Variants in BLTP3B observed in about 807,000 individuals in gnomAD.
BLTP3B encodes the protein UHRF1 (ICBP90) binding protein 1-like.
the BLTP3B span, among the ~76,000 whole-genome samples, chr12:100,100,671 C>T: frequency 6.6e-6 from 1 of 151,740 alleles, no homozygotes; most frequent in Admixed American, 6.6e-5. Flanking sequence ...AAGATCATGC[C>T]ACTGCATTCC....
chr12:100,141,249 C>T, the BLTP3B span, among the ~76,000 whole-genome samples: 1 of 151,186 alleles, frequency 6.6e-6, no homozygotes, highest in Non-Finnish European at 1.5e-5. Flanking sequence ...TCTGGGAGGC[C>T]GAGGACCGCG....
the BLTP3B span, among the ~76,000 whole-genome samples, chr12:100,127,814 G>T: frequency 2.0e-5 from 3 of 152,078 alleles, no homozygotes; most frequent in Admixed American, 6.6e-5. Flanking sequence ...GGAGCTCTGA[G>T]ACCAGCCTGG....
the BLTP3B span, among the ~76,000 whole-genome samples, chr12:100,116,448 C>CAAAAAAAA: frequency 3.6e-5 from 2 of 56,000 alleles, no homozygotes; most frequent in African/African-American, 6.1e-5. Context: ...GATCCTGTCT[C>CAAAAAAAA]AAAAAAAAAA....
At chr12:100,114,377 C>A in the BLTP3B span, among the ~76,000 whole-genome samples, 2 of 152,094 alleles carry the variant, frequency 1.3e-5, no homozygotes, top group African/African-American at 4.8e-5. Context: ...AACACATAGC[C>A]ACAACGTTTA....
chr12:100,048,248 C>T, the BLTP3B span: 2 of 1,520,010 alleles, frequency 1.3e-6, no homozygotes, highest in Non-Finnish European at 1.8e-6. Context: ...AATAATATTA[C>T]AATTATGTGC....
chr12:100,047,937 A>T, the BLTP3B span: 1 of 1,464,608 alleles, frequency 6.8e-7, no homozygotes, highest in Non-Finnish European at 9.0e-7. Flanking sequence ...TTATTTATTA[A>T]CATACTTTTA....
At chr12:100,048,943 A>C in the BLTP3B span, among the ~76,000 whole-genome samples, 3 of 152,088 alleles carry the variant, frequency 2.0e-5, no homozygotes, top group Non-Finnish European at 4.4e-5. Flanking sequence ...AAAAAACAAA[A>C]GTTCCTAGTG....
chr12:100,142,375 G>A, the BLTP3B span, among the ~76,000 whole-genome samples: 3 of 152,176 alleles, frequency 2.0e-5, no homozygotes, highest in African/African-American at 7.2e-5. Context: ...GCCCACCCTG[G>A]GAGAAGACGC....
chr12:100,124,978 A>ATATT, the BLTP3B span, among the ~76,000 whole-genome samples: 1 of 99,260 alleles, frequency 1.0e-5, no homozygotes, highest in African/African-American at 5.3e-5. Flanking sequence ...ATATATATAT[A>ATATT]TTTATATTTA....
the BLTP3B span, chr12:100,082,956 G>T: frequency 2.5e-6 from 3 of 1,202,416 alleles, no homozygotes; most frequent in Non-Finnish European, 2.4e-6. Context: ...TGTTATTTAA[G>T]TTGCTTAGAT....
the BLTP3B span, chr12:100,050,470 C>T: frequency 1.6e-6 from 1 of 611,612 alleles, no homozygotes; most frequent in Non-Finnish European, 2.5e-6. Flanking sequence ...ACGGTTGTTA[C>T]ATTATAGTGA....
chr12:100,116,892 T>C, the BLTP3B span, among the ~76,000 whole-genome samples: 1 of 152,198 alleles, frequency 6.6e-6, no homozygotes, highest in Non-Finnish European at 1.5e-5. Flanking sequence ...GTAGCAATGT[T>C]GCAGGATATA....
At chr12:100,048,788 G>A in the BLTP3B span, among the ~76,000 whole-genome samples, 1 of 151,090 alleles carries the variant, frequency 6.6e-6, no homozygotes, top group South Asian at 2.1e-4. Context: ...GTGTGTGTGT[G>A]TGTGTGTGTG....
At chr12:100,087,588 A>G in the BLTP3B span, among the ~76,000 whole-genome samples, 4 of 152,250 alleles carry the variant, frequency 2.6e-5, no homozygotes, top group Admixed American at 6.5e-5. Flanking sequence ...CAAAACATAA[A>G]TATTTATAGG....
chr12:100,081,020 T>C, the BLTP3B span, among the ~76,000 whole-genome samples: 4 of 152,052 alleles, frequency 2.6e-5, no homozygotes, highest in Non-Finnish European at 5.9e-5. Flanking sequence ...CTGATGGTTT[T>C]AAAAATGGGA....
the BLTP3B span, among the ~76,000 whole-genome samples, chr12:100,104,262 T>C: frequency 1.3e-5 from 2 of 149,306 alleles, no homozygotes; most frequent in Non-Finnish European, 3.0e-5. Flanking sequence ...TGGAGTGCAG[T>C]GGCACGATAT....
chr12:100,091,369 T>C, the BLTP3B span, among the ~76,000 whole-genome samples: 16 of 151,754 alleles, frequency 1.1e-4, no homozygotes, highest in Middle Eastern at 6.8e-3. Flanking sequence ...TGTATTTTTT[T>C]AGTAGAGACA....
At chr12:100,067,061 G>A in the BLTP3B span, among the ~76,000 whole-genome samples, 4 of 152,096 alleles carry the variant, frequency 2.6e-5, no homozygotes, top group Non-Finnish European at 5.9e-5. Context: ...CAAATACCTG[G>A]AAATTAAATA....
the BLTP3B span, among the ~76,000 whole-genome samples, chr12:100,068,675 T>C: frequency 3.3e-5 from 5 of 152,058 alleles, no homozygotes; most frequent in African/African-American, 4.8e-5. Context: ...CAAAAAGGGA[T>C]TGATGGCTGA....
Sources: allele counts gnomAD v4.1 joint callset (sites outside exome capture counted in the v4.1 genomes callset), GRCh38; gene constraint gnomAD v4.1.1; transcripts MANE v1.5; gene names NCBI Gene and HGNC (gene_info 2026-07-23, HGNC 2026-07-21).